The following CTSO variants were observed in gnomAD, a reference collection of about 807,000 sequenced individuals.
The protein encoded by CTSO is cathepsin O.
In CTSO, 40 loss-of-function variants were observed where a neutral mutation model predicts 42.4. The observed-to-expected ratio is 0.94, with a 90% confidence interval of 0.73 to 1.23. The LOEUF (loss-of-function observed/expected upper bound fraction) is 1.23. Among genes scored for constraint, CTSO ranks in the 50% most tolerant of loss-of-function variants. The pLI is 0.00. For synonymous variants in CTSO, 156 were observed against 146.2 expected, an observed-to-expected ratio of 1.07 and a Z score of -0.48; for missense variants, 441 against 396.0, an observed-to-expected ratio of 1.11 and a Z score of -0.96.
At chr4:155,931,668 A>G (rs1056261823) in intron 5 of CTSO, among the ~76,000 whole-genome samples, 2 of 152,096 alleles carry the variant, frequency 1.3e-5, no homozygotes, top group Non-Finnish European at 2.9e-5. Context: ...TAGAACTACT[A>G]TCAACATGTA....
chr4:155,951,040 G>A (rs892256669), intron 1 of CTSO, among the ~76,000 whole-genome samples: 1 of 151,946 alleles, frequency 6.6e-6, no homozygotes, highest in African/African-American at 2.4e-5. Context: ...CATTAGTTAG[G>A]ATCACTTGTT....
chr4:155,940,326 A>C (rs1743406425), intron 3 of CTSO, among the ~76,000 whole-genome samples: 1 of 152,144 alleles, frequency 6.6e-6, no homozygotes, highest in Non-Finnish European at 1.5e-5. Flanking sequence ...CAGAAAAGGC[A>C]GAAGAGAGTA....
intron 1 of CTSO, among the ~76,000 whole-genome samples, chr4:155,953,082 T>C (rs553713932): frequency 6.7e-6 from 1 of 150,348 alleles, no homozygotes; most frequent in East Asian, 1.9e-4. Context: ...ATATAAATTA[T>C]ATTATATTTC....
chr4:155,928,663 AG>A (rs1009423545), intron 6 of CTSO, among the ~76,000 whole-genome samples: 75 of 152,330 alleles, frequency 4.9e-4, no homozygotes, highest in African/African-American at 1.8e-3. Context: ...CCCTTTATAC[AG>A]GGACTGCATA....
intron 5 of CTSO, among the ~76,000 whole-genome samples, chr4:155,933,331 G>A (rs563908403): frequency 1.6e-4 from 24 of 152,036 alleles, no homozygotes; most frequent in South Asian, 2.1e-4. Flanking sequence ...TTCTCCTCCC[G>A]CCATGATTCT....
chr4:155,927,369 G>T (rs1264187793), intron 7 of CTSO, among the ~76,000 whole-genome samples: 1 of 152,142 alleles, frequency 6.6e-6, no homozygotes, highest in Non-Finnish European at 1.5e-5. Flanking sequence ...CAGAAAATAT[G>T]TTGATTTCTA....
chr4:155,940,207 C>T (rs1032879710), intron 3 of CTSO, among the ~76,000 whole-genome samples: 2 of 151,938 alleles, frequency 1.3e-5, no homozygotes, highest in African/African-American at 4.8e-5. Context: ...TTTGCTTTTA[C>T]TTAACAAACT....
chr4:155,943,400 T>A (rs1012215086), intron 1 of CTSO, 136 bp from the exon 2 acceptor site: 52 of 540,464 alleles, frequency 9.6e-5, no homozygotes, highest in Non-Finnish European at 1.6e-4. Context: ...TAAAGTTGTA[T>A]AAGATATCCA....
intron 1 of CTSO, among the ~76,000 whole-genome samples, chr4:155,952,462 C>T (rs761171769): frequency 1.3e-4 from 20 of 152,150 alleles, no homozygotes; most frequent in Non-Finnish European, 2.2e-4. Context: ...CCAATGAATA[C>T]GTTACCAATA....
intron 2 of CTSO, 71 bp downstream of exon 2, chr4:155,943,085 A>G (rs1377807899): frequency 5.6e-6 from 5 of 893,830 alleles, no homozygotes; most frequent in African/African-American, 3.4e-5. Context: ...ATTTACAATG[A>G]AATATTTATC....
At chr4:155,940,598 A>G (rs1743411736) in intron 3 of CTSO, among the ~76,000 whole-genome samples, 1 of 152,168 alleles carries the variant, frequency 6.6e-6, no homozygotes, top group African/African-American at 2.4e-5. Flanking sequence ...TAATCCCAGC[A>G]CTTTGGGAGG....
chr4:155,939,517 T>G lies in CTSO; in HGVS notation c.406A>C (p.Ser136Arg). The change falls in exon 4 of 8, where the codon AGC becomes CGC. Residue 136 changes from serine (S) to arginine (R), a missense_variant. Ser to Arg is a moderately radical substitution (Grantham distance 110, BLOSUM62 -1). Coordinates refer to ENST00000433477, the MANE Select transcript of CTSO (RefSeq NM_001334.3). Reference sequence around the variant, plus strand: ...GCAGATTCCACTGCCCCCACCACGCTGAAGGCCCAGCATCCTCCACACTGT... The same window carrying G: ...GCAGATTCCACTGCCCCCACCACGCGGAAGGCCCAGCATCCTCCACACTGT... ...QQMCGGCWAF[S>R]VVGAVESAYA... is the part of the protein sequence containing the mutation. 1 of 1,613,894 alleles carries G rather than the reference T, an allele frequency of 6.2e-7. No homozygotes were observed. Among genetic ancestry groups the G allele is most frequent in the Non-Finnish European group, 8.5e-7 (1 of 1,179,850 alleles).
intron 7 of CTSO, among the ~76,000 whole-genome samples, chr4:155,927,019 G>A (rs534395077): frequency 1.3e-5 from 2 of 152,248 alleles, no homozygotes; most frequent in African/African-American, 2.4e-5. Context: ...AAAGATGTAC[G>A]AGTCCCCAGT....
intron 5 of CTSO, among the ~76,000 whole-genome samples, chr4:155,934,899 T>C (rs1743303969): frequency 6.6e-6 from 1 of 152,074 alleles, no homozygotes; most frequent in South Asian, 2.1e-4. Flanking sequence ...CTGAAATGAG[T>C]TAAGACTTTG....
chr4:155,939,334 G>A, intron 4 of CTSO, 37 bp downstream of exon 4: 1 of 1,526,946 alleles, frequency 6.5e-7, no homozygotes. Flanking sequence ...AAGCAAAAAA[G>A]GAAATAAAGA....
chr4:155,929,663 G>A lies in CTSO; in HGVS notation c.717C>T (p.Gly239=), dbSNP rs1743198040. ...DEMAKALLTF[G]PLVVIVDAVS... is the part of the protein sequence containing the mutation. The stretch of plus-strand genomic sequence containing the variant: ...CTGCATCTACTATGACTACCAAAGG[G>A]CCAAAGGTAAGAAGTGCTTTTGCCA... Residue 239 remains glycine (G), a synonymous_variant, in exon 6 of 8, where the codon GGC becomes GGT. Coordinates refer to ENST00000433477, the MANE Select transcript of CTSO (RefSeq NM_001334.3). 1.2e-6 allele frequency: 2 copies of A among 1,613,570 alleles called. No individual in the cohort carries two copies. Among genetic ancestry groups the A allele is most frequent in the South Asian group, 1.1e-5 (1 of 91,008 alleles).
chr4:155,931,215 A>G (rs1743228292), intron 5 of CTSO, among the ~76,000 whole-genome samples: 1 of 152,144 alleles, frequency 6.6e-6, no homozygotes, highest in Non-Finnish European at 1.5e-5. Flanking sequence ...ATTGTATCAA[A>G]ATTCTTAGCA....
chr4:155,939,059 C>G (rs1743381452), intron 4 of CTSO, among the ~76,000 whole-genome samples: 1 of 152,084 alleles, frequency 6.6e-6, no homozygotes, highest in Non-Finnish European at 1.5e-5. Flanking sequence ...ATATTCTCAT[C>G]TTTCCGGGAT....
chr4:155,941,767 A>T (rs1743433666), intron 3 of CTSO, among the ~76,000 whole-genome samples: 1 of 152,158 alleles, frequency 6.6e-6, no homozygotes. Flanking sequence ...TACTAACTAT[A>T]CTTTTAAGGC....
Sources: allele counts gnomAD v4.1 joint callset (sites outside exome capture counted in the v4.1 genomes callset), GRCh38; gene constraint gnomAD v4.1.1; transcripts MANE v1.5; gene names NCBI Gene and HGNC (gene_info 2026-07-23, HGNC 2026-07-21).